Variants in CADPS observed in about 807,000 individuals in gnomAD.
CADPS encodes the protein calcium-dependent secretion activator 1.
CADPS carries 57 observed loss-of-function variants against 167.3 expected under a neutral mutation model. That is an observed-to-expected ratio of 0.34 (90% CI 0.28 to 0.42). The LOEUF is 0.42. Among genes scored for constraint, CADPS ranks in the 20% least tolerant of loss-of-function variants. CADPS has a pLI of 1.00. For synonymous variants in CADPS, 676 were observed against 635.3 expected, an observed-to-expected ratio of 1.06 and a Z score of -0.96; for missense variants, 1,414 against 1,738.1, an observed-to-expected ratio of 0.81 and a Z score of 3.32.
At chr3:62,605,301 G>A (rs998826119) in intron 6 of CADPS, among the ~76,000 whole-genome samples, 1 of 151,918 alleles carries the variant, frequency 6.6e-6, no homozygotes, top group African/African-American at 2.4e-5. Flanking sequence ...AGCTGAAGAA[G>A]TCCTGAAGAC....
chr3:62,844,807 A>C (rs984321432), intron 1 of CADPS, among the ~76,000 whole-genome samples: 5 of 152,204 alleles, frequency 3.3e-5, no homozygotes, highest in Admixed American at 6.5e-5. Context: ...GCCCATTTTC[A>C]GAGAAAGTTG....
intron 3 of CADPS, among the ~76,000 whole-genome samples, chr3:62,717,867 A>T (rs891712373): frequency 6.6e-6 from 1 of 152,060 alleles, no homozygotes; most frequent in Non-Finnish European, 1.5e-5. Context: ...CACCTTTCTG[A>T]CTTCATCATT....
chr3:62,866,824 T>C (rs1312893726), intron 1 of CADPS, among the ~76,000 whole-genome samples: 2 of 152,034 alleles, frequency 1.3e-5, no homozygotes, highest in Non-Finnish European at 2.9e-5. Flanking sequence ...TCTCTTACAA[T>C]GCTTAATAAT....
At chr3:62,484,675 A>C (rs1024591038) in intron 21 of CADPS, among the ~76,000 whole-genome samples, 1 of 152,164 alleles carries the variant, frequency 6.6e-6, no homozygotes, top group African/African-American at 2.4e-5. Context: ...AATGTCACAG[A>C]TGTGTGCACG....
intron 5 of CADPS, 62 bp downstream of exon 5, chr3:62,650,785 A>T: frequency 1.6e-6 from 2 of 1,234,354 alleles, no homozygotes; most frequent in Non-Finnish European, 1.2e-6. Context: ...ATTGTGACGC[A>T]TCTAATCGCC....
chr3:62,581,762 G>A (rs2083476810), intron 8 of CADPS, among the ~76,000 whole-genome samples: 1 of 152,174 alleles, frequency 6.6e-6, no homozygotes, highest in African/African-American at 2.4e-5. Context: ...GGGTATCTGG[G>A]TGTCGGGGGG....
At chr3:62,447,846 G>C (rs903734146) in intron 26 of CADPS, among the ~76,000 whole-genome samples, 2 of 152,094 alleles carry the variant, frequency 1.3e-5, no homozygotes, top group Non-Finnish European at 2.9e-5. Flanking sequence ...CCATTGCTAT[G>C]CTAGAACTTA....
At chr3:62,489,586 C>G (rs1046376075) in intron 21 of CADPS, among the ~76,000 whole-genome samples, 5 of 152,180 alleles carry the variant, frequency 3.3e-5, no homozygotes, top group African/African-American at 4.8e-5. Context: ...GGGGAGCAAA[C>G]AAGTTCATAG....
rs192179461 is a variant in CADPS, at chr3:62,539,993, G to A, written c.1967-3412C>T. ...AATTCAAGTCCACCTTCAGAGGACTGTTGAGAGGATCTGAAGAGAAGTACC... is the reference window on the plus strand; with the variant it reads ...AATTCAAGTCCACCTTCAGAGGACTATTGAGAGGATCTGAAGAGAAGTACC... On this transcript the variant is annotated intron_variant, in intron 11 of 29. Coordinates refer to ENST00000383710, the MANE Select transcript of CADPS (RefSeq NM_003716.4). 1.9e-4 allele frequency among the ~76,000 whole-genome samples: 29 copies of A among 152,252 alleles called. No individual in the cohort carries two copies. The East Asian group carries it at 5.6e-3, about 29-fold the overall frequency.
chr3:62,726,540 A>C (rs1457194752), intron 3 of CADPS, among the ~76,000 whole-genome samples: 1 of 151,810 alleles, frequency 6.6e-6, no homozygotes, highest in Admixed American at 6.5e-5. Context: ...CTCAGTCCTC[A>C]CTAGAGGAGA....
chr3:62,541,721 T>C (rs2075730313), intron 11 of CADPS, among the ~76,000 whole-genome samples: 1 of 152,168 alleles, frequency 6.6e-6, no homozygotes, highest in African/African-American at 2.4e-5. Flanking sequence ...TGGTCCCTAA[T>C]TGACTACTCT....
chr3:62,791,669 T>A (rs947686324), intron 1 of CADPS, among the ~76,000 whole-genome samples: 4 of 152,186 alleles, frequency 2.6e-5, no homozygotes, highest in African/African-American at 9.6e-5. Context: ...TATCTGCTCA[T>A]GGCACCAGGC....
intron 1 of CADPS, among the ~76,000 whole-genome samples, chr3:62,806,715 G>A (rs2094121014): frequency 6.6e-6 from 1 of 152,132 alleles, no homozygotes; most frequent in African/African-American, 2.4e-5. Context: ...AATGATCAAA[G>A]TAGAGTTTAA....
intron 1 of CADPS, among the ~76,000 whole-genome samples, chr3:62,814,973 T>C (rs1014166022): frequency 6.6e-6 from 1 of 152,200 alleles, no homozygotes; most frequent in African/African-American, 2.4e-5. Flanking sequence ...GACTTCCGTC[T>C]TCTTTTTGGT....
At chr3:62,781,347 T>C (rs1367952036) in intron 1 of CADPS, among the ~76,000 whole-genome samples, 1 of 152,152 alleles carries the variant, frequency 6.6e-6, no homozygotes, top group East Asian at 1.9e-4. Flanking sequence ...TCAGAATGCA[T>C]ACTCCATGGA....
rs1457931549 is a variant in CADPS at position 62,438,485 on chromosome 3, T to C, written c.3670-274A>G. The stretch of plus-strand genomic sequence containing the variant: ...CTATGATAAATTTTTTCCTGGCAAA[T>C]TTATCTAATGGATAAATCTTTACTG... On this transcript the variant is annotated intron_variant, in intron 27 of 29. Transcript: ENST00000383710. The surrounding 1 kb of genome is among the most constrained non-coding windows in gnomAD (Gnocchi z 4.7). 5.2e-6 allele frequency: 2 copies of C among 382,832 alleles called. No individual in the cohort carries two copies. Among genetic ancestry groups the C allele is most frequent in the Non-Finnish European group, 9.7e-6 (2 of 206,694 alleles). 23.7% of individuals were successfully genotyped at this position (382,832 alleles called of 1,614,324 possible).
At position 62,602,537 on chromosome 3, in the gene CADPS, G is replaced by A. The variant is rs1157290468; in HGVS notation, c.1326-9789C>T. Among the ~76,000 whole-genome samples the A allele has an allele frequency of 6.6e-6, 1 of 152,130 alleles. No homozygotes were observed. Among genetic ancestry groups the A allele is most frequent in the African/African-American group, 2.4e-5 (1 of 41,420 alleles). On this transcript the variant is annotated intron_variant, in intron 6 of 29. Transcript: ENST00000383710. This position sits in a 1 kb window ranked among gnomAD's most constrained non-coding sequence, Gnocchi z 4.4. The stretch of plus-strand genomic sequence containing the variant: ...TAAAATCTTGTGGCCTGCCTTTGAG[G>A]TGGACTGCATGATATTCCACTCCAA...
intron 3 of CADPS, among the ~76,000 whole-genome samples, chr3:62,707,778 T>C (rs2082597855): frequency 1.3e-5 from 2 of 152,206 alleles, no homozygotes; most frequent in Middle Eastern, 3.2e-3. Context: ...ATATGTTAAA[T>C]ATGTTACTAA....
chr3:62,572,718 A>G (rs1307407699), intron 8 of CADPS, among the ~76,000 whole-genome samples: 2 of 152,244 alleles, frequency 1.3e-5, no homozygotes, highest in Non-Finnish European at 2.9e-5. Context: ...TACATTATGT[A>G]GCACATATTA....
Sources: gnomAD v4.1 joint callset for allele counts (sites outside exome capture counted in the v4.1 genomes callset) on GRCh38, gnomAD v4.1.1 for gene constraint, Gnocchi (gnomAD v3.1) non-coding constraint, MANE v1.5 for transcripts, NCBI Gene and HGNC (gene_info 2026-07-23, HGNC 2026-07-21) for gene names.